Variants in PTPRD observed in about 807,000 individuals in gnomAD.
PTPRD encodes the protein protein tyrosine phosphatase receptor type D, also known as receptor-type tyrosine-protein phosphatase delta.
PTPRD carries 34 observed loss-of-function variants against 214.5 expected under a neutral mutation model. The observed-to-expected ratio is 0.16, with a 90% CI of 0.12 to 0.21. PTPRD has a LOEUF of 0.21. PTPRD is among the 10% of genes least tolerant of loss of function. PTPRD has a pLI of 1.00. For missense variants in PTPRD, 2,545 were observed against 2,398.7 expected (o/e 1.06, Z -1.27); for synonymous variants, 1,128 against 845.7 (o/e 1.33, Z -5.79).
At chr9:9,642,173 C>A (rs899109695) in intron 7 of PTPRD, among the ~76,000 whole-genome samples, 17 of 143,806 alleles carry the variant, frequency 1.2e-4, no homozygotes, top group African/African-American at 2.9e-4. Context: ...GAACAAAAAA[C>A]CAAACACCGT....
chr9:9,758,148 C>CAACAAAAA (rs2098606443), intron 6 of PTPRD, among the ~76,000 whole-genome samples: 1 of 114,956 alleles, frequency 8.7e-6, no homozygotes, highest in African/African-American at 3.4e-5. Flanking sequence ...GTAAAAATGG[C>CAACAAAAA]AAAAAAAAAA....
chr9:8,511,274 T>C (rs1422820966), intron 21 of PTPRD, among the ~76,000 whole-genome samples: 1 of 152,076 alleles, frequency 6.6e-6, no homozygotes. Context: ...TCTCAATATG[T>C]TGCACCAGGT....
At chr9:10,490,111 T>C (rs886531913) in intron 2 of PTPRD, among the ~76,000 whole-genome samples, 1 of 152,300 alleles carries the variant, frequency 6.6e-6, no homozygotes, top group South Asian at 2.1e-4. Context: ...CAGTAGTCAA[T>C]TTAAAGTAGG....
At chr9:8,420,845 G>C (rs1437929805) in intron 35 of PTPRD, among the ~76,000 whole-genome samples, 3 of 150,200 alleles carry the variant, frequency 2.0e-5, no homozygotes, top group African/African-American at 4.9e-5. Flanking sequence ...AAGACACTGA[G>C]AGCGTAGGAA....
rs1243338209 is a variant in PTPRD at position 8,521,017 on chromosome 9, G to A, written c.961+260C>T. On this transcript the variant is annotated intron_variant, in intron 20 of 45. Transcript: ENST00000381196. The stretch of plus-strand genomic sequence containing the variant: ...TGTGTAAAATTCCTAGTTCTGTCTG[G>A]TTAGTGCCTGGGCCTCCATGGACTG... Among the ~76,000 whole-genome samples the A allele has an allele frequency of 2.6e-5, 4 of 151,986 alleles. No homozygotes were observed. The South Asian group carries it at 8.3e-4, about 32-fold the overall frequency.
At chr9:9,587,260 T>C (rs536142917) in intron 7 of PTPRD, among the ~76,000 whole-genome samples, 1 of 152,082 alleles carries the variant, frequency 6.6e-6, no homozygotes, top group African/African-American at 2.4e-5. Flanking sequence ...ATAATAGTAA[T>C]GATATAAGCA....
chr9:8,640,296 C>A (rs1335560381), intron 12 of PTPRD, among the ~76,000 whole-genome samples: 1 of 151,922 alleles, frequency 6.6e-6, no homozygotes, highest in Non-Finnish European at 1.5e-5. Context: ...TTGCAGTGAG[C>A]CGAGATCACG....
At chr9:10,022,654 A>G (rs1029815537) in intron 4 of PTPRD, among the ~76,000 whole-genome samples, 16 of 152,226 alleles carry the variant, frequency 1.1e-4, no homozygotes, top group African/African-American at 3.9e-4. Flanking sequence ...ATTCTAAACT[A>G]TAGGAAAAAA....
rs1004255563 is a variant in PTPRD, at chr9:9,964,964, G to A, written c.-471-26354C>T. Among the ~76,000 whole-genome samples the A allele has an allele frequency of 2.4e-4, 36 of 152,180 alleles. 1 individual carries two copies. The highest frequency in any genetic ancestry group is 5.0e-4 in the Non-Finnish European group (34 of 68,010). ...CTTCTCTTACTTGCAAGTAAAATATGTTCATGCAAAAATAGGATGCTAACA... is the reference window on the plus strand; with the variant it reads ...CTTCTCTTACTTGCAAGTAAAATATATTCATGCAAAAATAGGATGCTAACA... On this transcript the variant is annotated intron_variant, in intron 4 of 45. Coordinates refer to ENST00000381196, the MANE Select transcript of PTPRD (RefSeq NM_002839.4).
intron 9 of PTPRD, among the ~76,000 whole-genome samples, chr9:9,358,667 T>C (rs2054805234): frequency 6.6e-6 from 1 of 151,280 alleles, no homozygotes; most frequent in Non-Finnish European, 1.5e-5. Context: ...AGCTATTCTA[T>C]ATCTCAGAAG....
chr9:8,943,312 G>A (rs2099044681), intron 11 of PTPRD, among the ~76,000 whole-genome samples: 1 of 151,812 alleles, frequency 6.6e-6, no homozygotes, highest in Non-Finnish European at 1.5e-5. Flanking sequence ...ACTCAGAGTA[G>A]CCAAACCTAC....
chr9:8,824,153 C>T (rs2097130902), intron 11 of PTPRD, among the ~76,000 whole-genome samples: 1 of 152,132 alleles, frequency 6.6e-6, no homozygotes, highest in African/African-American at 2.4e-5. Context: ...GTATTTTGTG[C>T]TGACCTTTTA....
chr9:8,643,391 A>C (rs2096618743), intron 12 of PTPRD, among the ~76,000 whole-genome samples: 1 of 152,066 alleles, frequency 6.6e-6, no homozygotes, highest in African/African-American at 2.4e-5. Context: ...GAAAGAAAGG[A>C]AGGAAGGAAA....
At chr9:9,833,761 G>A (rs1403475361) in intron 5 of PTPRD, among the ~76,000 whole-genome samples, 1 of 151,408 alleles carries the variant, frequency 6.6e-6, no homozygotes, top group Admixed American at 6.6e-5. Context: ...AAAGAATTCA[G>A]CAATATTTCT....
At chr9:8,491,838 T>A (rs1162637160) in intron 27 of PTPRD, among the ~76,000 whole-genome samples, 1 of 152,146 alleles carries the variant, frequency 6.6e-6, no homozygotes, top group Non-Finnish European at 1.5e-5. Flanking sequence ...ACAGCTGTTC[T>A]TTACTTTATG....
At chr9:8,572,092 T>C (rs1446188323) in intron 14 of PTPRD, among the ~76,000 whole-genome samples, 4 of 152,092 alleles carry the variant, frequency 2.6e-5, no homozygotes, top group African/African-American at 9.7e-5. Flanking sequence ...AATTTAGAAA[T>C]ATATTCAGGT....
intron 10 of PTPRD, among the ~76,000 whole-genome samples, chr9:9,060,035 G>A (rs1006852693): frequency 1.3e-5 from 2 of 152,122 alleles, no homozygotes; most frequent in Non-Finnish European, 2.9e-5. Context: ...TTGTTTGTAT[G>A]TATTGTTGGC....
chr9:9,710,059 T>C (rs976060751), intron 7 of PTPRD, among the ~76,000 whole-genome samples: 2 of 151,790 alleles, frequency 1.3e-5, no homozygotes, highest in Non-Finnish European at 2.9e-5. Flanking sequence ...AAAAAAAAAA[T>C]AGAATAGGTC....
chr9:8,493,378 C>T (rs145294525), intron 26 of PTPRD, among the ~76,000 whole-genome samples: 65 of 152,296 alleles, frequency 4.3e-4, no homozygotes, highest in African/African-American at 1.6e-3. Context: ...GGTAAACTCA[C>T]AGAACTATGC....
Sources: gnomAD v4.1 joint callset for allele counts (sites outside exome capture counted in the v4.1 genomes callset) on GRCh38, gnomAD v4.1.1 for gene constraint, MANE v1.5 for transcripts, NCBI Gene and HGNC (gene_info 2026-07-23, HGNC 2026-07-21) for gene names.